Variants in FRMPD2 observed in about 807,000 individuals in gnomAD.
The protein encoded by FRMPD2 is FERM and PDZ domain-containing protein 2.
Under a neutral mutation model 140.1 loss-of-function variants are expected in FRMPD2, and 96 were observed. The ratio of observed to expected loss-of-function variants is 0.69; its 90% CI spans 0.58 to 0.81. The LOEUF is 0.81. Ranked by LOEUF, FRMPD2 falls within the 40% of genes least tolerant of loss-of-function variation. FRMPD2 has a pLI of 0.00. For synonymous variants in FRMPD2, 449 were observed against 547.6 expected (o/e 0.82, Z 2.52); for missense variants, 1,240 against 1,447.4 (o/e 0.86, Z 2.32).
At position 48,223,246 on chromosome 10, in the gene FRMPD2, C is replaced by T. The variant is rs1176042121; in HGVS notation, c.1193G>A (p.Ser398Asn). The change falls in exon 11 of 29, where the codon AGT becomes AAT. Residue 398 changes from serine to asparagine, a missense_variant. Transcript: ENST00000374201. ...MKSKEFFFLD[S>N]ETRLCKIAPE... is the part of the protein sequence containing the mutation. ...AGCTATTTTGCACAATCTGGTTTCA[C>T]TGTCCAGGAAAAAGAACTCTTTGCC... 1.2e-6 allele frequency: 2 copies of T among 1,613,506 alleles called. No individual in the cohort carries two copies. Among genetic ancestry groups the T allele is most frequent in the Non-Finnish European group, 1.7e-6 (2 of 1,179,806 alleles).
chr10:48,263,004 C>G (rs1840620459), intron 1 of FRMPD2, among the ~76,000 whole-genome samples: 2 of 152,036 alleles, frequency 1.3e-5, no homozygotes, highest in South Asian at 4.2e-4. Flanking sequence ...AAATCAATAA[C>G]AGAAGGATAG....
intron 10 of FRMPD2, among the ~76,000 whole-genome samples, chr10:48,230,389 C>A (rs576656726): frequency 1.7e-4 from 26 of 152,168 alleles, no homozygotes; most frequent in Non-Finnish European, 3.2e-4. Flanking sequence ...TGAAAATGCA[C>A]ATAAAGTTAC....
chr10:48,246,904 C>T lies in FRMPD2; in HGVS notation c.310-2055G>A, dbSNP rs116234546. Among the ~76,000 whole-genome samples the T allele has an allele frequency of 6.8e-3, 1,037 of 152,336 alleles. 11 individuals are homozygous for T. Among genetic ancestry groups the T allele is most frequent in the African/African-American group, 0.023 (965 of 41,576 alleles). ...AGATCAAGTTACCTGGTCACTCTGC[C>T]TCCTTGCCTAATAAACAGGGCTTGA... On this transcript the variant is annotated intron_variant, in intron 3 of 28. Coordinates refer to ENST00000374201, the MANE Select transcript of FRMPD2 (RefSeq NM_001018071.4).
At chr10:48,223,309 T>G (rs1486934752) in intron 10 of FRMPD2, 39 bp from the exon 11 acceptor site, 7 of 1,587,922 alleles carry the variant, frequency 4.4e-6, no homozygotes, top group East Asian at 2.2e-5. Flanking sequence ...GGAGAAGCAG[T>G]AGGGATTGCA....
At chr10:48,237,429 C>A (rs921843927) in intron 8 of FRMPD2, among the ~76,000 whole-genome samples, 1 of 152,134 alleles carries the variant, frequency 6.6e-6, no homozygotes, top group Admixed American at 6.5e-5. Flanking sequence ...GCCAGGCCAG[C>A]GTATGGGAAC....
Position 48,178,043 on chromosome 10 carries a change from T to G in FRMPD2, c.2895+4A>C. On this transcript the variant is annotated splice_donor_region_variant and intron_variant, in intron 22 of 28. Coordinates refer to ENST00000374201, the MANE Select transcript of FRMPD2 (RefSeq NM_001018071.4). Reference sequence around the variant, plus strand: ...GCTTTTCAAGCTCTCCTAAAAACTCTTACAGTTACACTGAATCCAAGTGTC... The same window carrying G: ...GCTTTTCAAGCTCTCCTAAAAACTCGTACAGTTACACTGAATCCAAGTGTC... 1 of 1,576,650 alleles carries G rather than the reference T, an allele frequency of 6.3e-7. No homozygotes were observed. Among genetic ancestry groups the G allele is most frequent in the South Asian group, 1.1e-5 (1 of 89,996 alleles).
Position 48,163,981 on chromosome 10 carries a change from C to T in FRMPD2, c.3538-310G>A, listed in dbSNP as rs1111323. Among the ~76,000 whole-genome samples the T allele has an allele frequency of 1.1e-3, 173 of 150,992 alleles. 2 individuals are homozygous for T. The highest frequency in any genetic ancestry group is 3.8e-3 in the African/African-American group (155 of 40,554). On this transcript the variant is annotated intron_variant, in intron 27 of 28. Transcript: ENST00000374201. The stretch of plus-strand genomic sequence containing the variant: ...TGCAAAACAATGACTCTATTCCACT[C>T]TCCGATAAGAAATGTTTTCTTTTTA...
Position 48,232,229 on chromosome 10 carries a change from GC to G in FRMPD2, c.1053del (p.Gln352SerfsTer5), listed in dbSNP as rs1244922288. On this transcript the variant is annotated frameshift_variant, in exon 10 of 29. Coordinates refer to ENST00000374201, the MANE Select transcript of FRMPD2 (RefSeq NM_001018071.4). LOFTEE classifies it high-confidence loss of function. ...LRDLCVVLLN[G>X]QHLEVKCDVE... is the part of the protein sequence containing the mutation. ...ACATCACATTTTACCTCCAGGTGCT[GC>G]CCGTTCAGCAGGACCACACAGAGGT... 6.8e-6 allele frequency: 11 copies of G among 1,614,034 alleles called. No homozygotes were observed. The highest frequency in any genetic ancestry group is 8.5e-6 in the Non-Finnish European group (10 of 1,180,008).
intron 15 of FRMPD2, among the ~76,000 whole-genome samples, chr10:48,194,434 C>CA (rs1343805939): frequency 6.6e-6 from 1 of 152,106 alleles, no homozygotes; most frequent in East Asian, 1.9e-4. Context: ...TACCGGGGCC[C>CA]AAAGGGAGAG....
At chr10:48,233,848 C>A (rs1171899933) in intron 9 of FRMPD2, among the ~76,000 whole-genome samples, 1 of 152,146 alleles carries the variant, frequency 6.6e-6, no homozygotes, top group African/African-American at 2.4e-5. Context: ...CTCTCACTGC[C>A]CCCTAGTGAT....
At chr10:48,252,358 C>G (rs1840404909) in intron 1 of FRMPD2, among the ~76,000 whole-genome samples, 1 of 152,186 alleles carries the variant, frequency 6.6e-6, no homozygotes, top group Admixed American at 6.5e-5. Flanking sequence ...GTCTATCTCC[C>G]TGACAAAGCT....
intron 7 of FRMPD2, 98 bp downstream of exon 7, chr10:48,239,507 G>A: frequency 1.3e-6 from 1 of 785,284 alleles, no homozygotes; most frequent in Non-Finnish European, 2.1e-6. Context: ...AGGAGCAAGA[G>A]GCTTCTTACT....
chr10:48,184,596 T>C lies in FRMPD2; in HGVS notation c.2554A>G (p.Asn852Asp). The change falls in exon 20 of 29, where the codon AAC (asparagine) becomes GAC (aspartate). Residue 852 changes from asparagine (N) to aspartate (D), a missense_variant. Coordinates refer to ENST00000374201, the MANE Select transcript of FRMPD2 (RefSeq NM_001018071.4). ...GACTGAGAAATAATTAATTCTATGT[T>C]GTCAGGGGAATTCTGGATCATCCTA... ...AVRMIQNSPDNIELIISQSKG... is the reference protein window; with the variant it reads ...AVRMIQNSPDDIELIISQSKG... The C allele has an allele frequency of 6.2e-6, 10 of 1,612,258 alleles. No individual in the cohort carries two copies. Among genetic ancestry groups the C allele is most frequent in the Non-Finnish European group, 8.5e-6 (10 of 1,178,288 alleles).
chr10:48,264,161 TA>T (rs34228352), intron 1 of FRMPD2, among the ~76,000 whole-genome samples: 19 of 147,882 alleles, frequency 1.3e-4, no homozygotes, highest in South Asian at 2.1e-4. Flanking sequence ...TTAAAATATG[TA>T]AAAAAAAAAA....
At chr10:48,259,637 T>A (rs1840545204) in intron 1 of FRMPD2, among the ~76,000 whole-genome samples, 2 of 113,374 alleles carry the variant, frequency 1.8e-5, no homozygotes, top group Admixed American at 7.6e-5. Context: ...TGTGTGTAAG[T>A]GTGTGTGTGT....
In FRMPD2 at chr10:48,222,332, A is replaced by G. The variant is rs752865385; in HGVS notation, c.1436T>C (p.Phe479Ser). ...CCCTACCTCCTTAGGGTAATTGCCA[A>G]ACTCAGCCTGCAAGGCAAGGACCCC... The part of the protein sequence containing the change: ...QLGVLALQAE[F>S]GNYPKEQVES... Residue 479 changes from phenylalanine (F) to serine (S), a missense_variant, in exon 12 of 29, where the codon TTT (phenylalanine) becomes TCT (serine). This residue lies in a region of FRMPD2 where 1,161 missense variants were observed against 1,055.9 expected (regional missense o/e 1.10). Coordinates refer to ENST00000374201, the MANE Select transcript of FRMPD2 (RefSeq NM_001018071.4). 6.2e-7 allele frequency: 1 copy of G among 1,614,118 alleles called. No individual in the cohort carries two copies. The highest frequency in any genetic ancestry group is 8.5e-7 in the Non-Finnish European group (1 of 1,179,986).
intron 13 of FRMPD2, among the ~76,000 whole-genome samples, chr10:48,211,128 C>T (rs1182355841): frequency 1.3e-5 from 2 of 152,380 alleles, no homozygotes; most frequent in South Asian, 2.1e-4. Context: ...CCCCACAAGA[C>T]ATGGGGCTTC....
chr10:48,211,129 A>T (rs139639899), intron 13 of FRMPD2, among the ~76,000 whole-genome samples: 1 of 152,236 alleles, frequency 6.6e-6, no homozygotes, highest in African/African-American at 2.4e-5. Context: ...CCCACAAGAC[A>T]TGGGGCTTCC....
chr10:48,226,861 T>C (rs532147396), intron 10 of FRMPD2, among the ~76,000 whole-genome samples: 5 of 152,346 alleles, frequency 3.3e-5, no homozygotes, highest in African/African-American at 1.2e-4. Flanking sequence ...TGATCTTTCT[T>C]ATGTTAGTTT....
Sources: gnomAD v4.1 joint callset for allele counts (sites outside exome capture counted in the v4.1 genomes callset) on GRCh38, gnomAD v4.1.1 for gene constraint, gnomAD v4.1.1 regional missense constraint, MANE v1.5 for transcripts, NCBI Gene and HGNC (gene_info 2026-07-23, HGNC 2026-07-21) for gene names.